Variants in ETV6 observed in about 807,000 individuals in gnomAD.
ETV6 encodes the protein transcription factor ETV6.
In ETV6, 16 loss-of-function variants were observed where a neutral mutation model predicts 51.1. The ratio of observed to expected loss-of-function variants is 0.31; its 90% CI spans 0.21 to 0.48. The LOEUF is 0.48. ETV6 is among the 20% of genes least tolerant of loss of function. ETV6 has a pLI of 0.99. For missense variants in ETV6, 458 were observed against 594.8 expected (o/e 0.77, Z 2.39); for synonymous variants, 240 against 224.1 (o/e 1.07, Z -0.64).
intron 5 of ETV6, among the ~76,000 whole-genome samples, chr12:11,875,909 T>C (rs1278230168): frequency 6.6e-6 from 1 of 152,168 alleles, no homozygotes; most frequent in African/African-American, 2.4e-5. Flanking sequence ...ACAACAGAGA[T>C]TGCATGGCCA....
chr12:11,859,752 G>A (rs546790907), intron 4 of ETV6, among the ~76,000 whole-genome samples: 3 of 152,094 alleles, frequency 2.0e-5, no homozygotes, highest in African/African-American at 4.8e-5. Flanking sequence ...TAGTGTAGGC[G>A]CCCTGAAAAT....
chr12:11,844,555 G>A (rs1483199273), intron 3 of ETV6, among the ~76,000 whole-genome samples: 1 of 152,022 alleles, frequency 6.6e-6, no homozygotes, highest in Non-Finnish European at 1.5e-5. Context: ...ATCAAAATTG[G>A]CCTATTAATT....
chr12:11,670,428 A>G (rs1864291782), intron 1 of ETV6, among the ~76,000 whole-genome samples: 1 of 152,244 alleles, frequency 6.6e-6, no homozygotes, highest in South Asian at 2.1e-4. Flanking sequence ...TTATTGCTGT[A>G]ATTTCAATAA....
At chr12:11,734,333 G>T (rs994496299) in intron 1 of ETV6, among the ~76,000 whole-genome samples, 3 of 151,994 alleles carry the variant, frequency 2.0e-5, no homozygotes, top group Admixed American at 6.5e-5. Flanking sequence ...TGAACTGGGC[G>T]CAGTGGTTCA....
intron 1 of ETV6, among the ~76,000 whole-genome samples, chr12:11,693,255 C>T (rs1425677362): frequency 2.6e-5 from 4 of 152,046 alleles, no homozygotes; most frequent in Admixed American, 6.5e-5. Flanking sequence ...CCACGCAGGC[C>T]GTGGCAAGTG....
chr12:11,723,361 T>C lies in ETV6; in HGVS notation c.34-29089T>C, dbSNP rs531975955. Among the ~76,000 whole-genome samples, 10 of 152,272 alleles carry C rather than the reference T, an allele frequency of 6.6e-5. 1 individual carries two copies. The South Asian group carries it at 2.1e-3, about 32-fold the overall frequency. On this transcript the variant is annotated intron_variant, in intron 1 of 7. Coordinates refer to ENST00000396373, the MANE Select transcript of ETV6 (RefSeq NM_001987.5). Reference sequence around the variant, plus strand: ...ACTTTGCAAGGATTATCACATTTAATACCCACAACGCACTCTCCCTCCTTT... The same window carrying C: ...ACTTTGCAAGGATTATCACATTTAACACCCACAACGCACTCTCCCTCCTTT...
chr12:11,863,667 C>CA (rs1946748344), intron 4 of ETV6, among the ~76,000 whole-genome samples: 29 of 152,214 alleles, frequency 1.9e-4, no homozygotes, highest in Admixed American at 1.9e-3. Context: ...AGACAGAAGA[C>CA]TCCTACATCT....
At chr12:11,751,002 CT>C (rs1489894298) in intron 1 of ETV6, among the ~76,000 whole-genome samples, 3 of 152,030 alleles carry the variant, frequency 2.0e-5, no homozygotes, top group Admixed American at 6.5e-5. Flanking sequence ...TGTGCCTGCC[CT>C]TCATTAAGAA....
chr12:11,691,740 C>T (rs1864768030), intron 1 of ETV6, among the ~76,000 whole-genome samples: 1 of 152,200 alleles, frequency 6.6e-6, no homozygotes. Context: ...TATTCATTCA[C>T]TCTCTCATTG....
chr12:11,866,212 C>A (rs1275121995), intron 4 of ETV6, among the ~76,000 whole-genome samples: 1 of 151,414 alleles, frequency 6.6e-6, no homozygotes, highest in Non-Finnish European at 1.5e-5. Flanking sequence ...TTTTTTAATT[C>A]CATTTCCCTT....
At chr12:11,701,605 A>T (rs557222341) in intron 1 of ETV6, among the ~76,000 whole-genome samples, 3 of 152,272 alleles carry the variant, frequency 2.0e-5, no homozygotes, top group South Asian at 4.1e-4. Context: ...CCTGAGTGGT[A>T]TTCTTTGAGG....
chr12:11,815,223 A>G (rs187061467), intron 2 of ETV6, among the ~76,000 whole-genome samples: 1 of 152,280 alleles, frequency 6.6e-6, no homozygotes, highest in East Asian at 1.9e-4. Flanking sequence ...AGTTACTCCC[A>G]CTTTCCAGAT....
At chr12:11,658,221 G>A (rs1416726106) in intron 1 of ETV6, among the ~76,000 whole-genome samples, 2 of 152,124 alleles carry the variant, frequency 1.3e-5, no homozygotes, top group African/African-American at 4.8e-5. Context: ...GAATACAGAG[G>A]CCAGGGGATG....
At chr12:11,771,330 G>T (rs1945239179) in intron 2 of ETV6, among the ~76,000 whole-genome samples, 1 of 152,196 alleles carries the variant, frequency 6.6e-6, no homozygotes, top group Non-Finnish European at 1.5e-5. Flanking sequence ...CAACTTTGTT[G>T]CTTTAAAATC....
At chr12:11,671,129 A>AGGG (rs1565480489) in intron 1 of ETV6, among the ~76,000 whole-genome samples, 19 of 151,922 alleles carry the variant, frequency 1.3e-4, no homozygotes, top group Admixed American at 2.0e-4. Context: ...TAAGGTTGGC[A>AGGG]GGGCGGGGAA....
At chr12:11,786,075 T>C (rs914859832) in intron 2 of ETV6, among the ~76,000 whole-genome samples, 4 of 152,206 alleles carry the variant, frequency 2.6e-5, no homozygotes, top group Non-Finnish European at 5.9e-5. Context: ...ATGGAATCTG[T>C]CCTAGGGATT....
At chr12:11,650,490 A>AAAAC (rs1555109509) in intron 1 of ETV6, among the ~76,000 whole-genome samples, 10 of 63,402 alleles carry the variant, frequency 1.6e-4, no homozygotes, top group East Asian at 8.1e-4. Context: ...TTAAAAAAAA[A>AAAAC]AAAAACAAAA....
intron 2 of ETV6, among the ~76,000 whole-genome samples, chr12:11,820,485 G>A (rs898215931): frequency 6.6e-6 from 1 of 152,162 alleles, no homozygotes; most frequent in Non-Finnish European, 1.5e-5. Context: ...AAGAAGACCG[G>A]GGGAGTCTGA....
intron 1 of ETV6, among the ~76,000 whole-genome samples, chr12:11,734,484 G>A (rs1424175730): frequency 6.7e-6 from 1 of 148,838 alleles, no homozygotes; most frequent in African/African-American, 2.5e-5. Context: ...GTGCTCACCT[G>A]TGGTCCCAGC....
Sources: allele counts gnomAD v4.1 joint callset (sites outside exome capture counted in the v4.1 genomes callset), GRCh38; gene constraint gnomAD v4.1.1; transcripts MANE v1.5; gene names NCBI Gene and HGNC (gene_info 2026-07-23, HGNC 2026-07-21).